Variants in STIL observed in about 807,000 individuals in gnomAD.
The protein encoded by STIL is STIL centriolar assembly protein.
STIL carries 55 observed loss-of-function variants against 110.1 expected under a neutral mutation model. The observed-to-expected ratio is 0.50, with a 90% confidence interval of 0.40 to 0.63. The LOEUF is 0.63. Among genes scored for constraint, STIL ranks in the 20% least tolerant of loss-of-function variants. The pLI, the probability that STIL is intolerant of heterozygous loss-of-function variation, is 0.00. For missense variants in STIL, 1,358 were observed against 1,530.0 expected (o/e 0.89, Z 1.87); for synonymous variants, 481 against 530.0 (o/e 0.91, Z 1.27).
intron 16 of STIL, among the ~76,000 whole-genome samples, chr1:47,252,906 C>T (rs1310306741): frequency 6.6e-6 from 1 of 151,904 alleles, no homozygotes; most frequent in Non-Finnish European, 1.5e-5. Context: ...CTTAATATCA[C>T]ATATATAATA....
intron 2 of STIL, among the ~76,000 whole-genome samples, chr1:47,306,547 C>A (rs1645966876): frequency 5.3e-5 from 8 of 152,150 alleles, no homozygotes. Context: ...AGCCATGGCT[C>A]CTGGCCTAAA....
At chr1:47,269,217 T>C (rs1280610482) in intron 14 of STIL, among the ~76,000 whole-genome samples, 1 of 152,118 alleles carries the variant, frequency 6.6e-6, no homozygotes. Context: ...AGACTGTTAA[T>C]ATAGCCAAAG....
chr1:47,304,047 A>C (rs1012127631), intron 3 of STIL, among the ~76,000 whole-genome samples: 3 of 152,188 alleles, frequency 2.0e-5, no homozygotes, highest in African/African-American at 7.2e-5. Context: ...TAGTCATTTT[A>C]TAAATAAGGA....
intron 7 of STIL, among the ~76,000 whole-genome samples, chr1:47,293,916 CA>C (rs576628709): frequency 1.8e-4 from 27 of 152,144 alleles, no homozygotes; most frequent in Non-Finnish European, 1.0e-4. Context: ...TAAGGTAGTA[CA>C]GACTAATTTG....
intron 12 of STIL, among the ~76,000 whole-genome samples, chr1:47,278,456 A>G (rs1645053097): frequency 6.6e-6 from 1 of 152,148 alleles, no homozygotes; most frequent in African/African-American, 2.4e-5. Context: ...TGATTCAGAT[A>G]GTCTAGACCA....
intron 13 of STIL, among the ~76,000 whole-genome samples, chr1:47,270,971 G>A (rs962154148): frequency 5.9e-5 from 9 of 151,956 alleles, no homozygotes; most frequent in East Asian, 1.9e-4. Flanking sequence ...GAGCCACTGC[G>A]CCCAGCCAAT....
intron 3 of STIL, among the ~76,000 whole-genome samples, chr1:47,302,722 A>AC (rs1411462316): frequency 1.3e-5 from 2 of 152,062 alleles, no homozygotes; most frequent in Non-Finnish European, 2.9e-5. Flanking sequence ...CATGTTCCAG[A>AC]CCCCCAGTGG....
rs1383242289 is a variant in STIL at position 47,270,249 on chromosome 1, TATATATACACACAC to T, written c.2384-397_2384-384del. On this transcript the variant is annotated intron_variant, in intron 13 of 16. Transcript: ENST00000371877. ...GCTCAAAAAAAAAAAAAAATATATATATATATACACACACACACACACACACACACACACACACA... is the reference window on the plus strand; with the variant it reads ...GCTCAAAAAAAAAAAAAAATATATATACACACACACACACACACACACACA... 3.0e-3 allele frequency among the ~76,000 whole-genome samples: 223 copies of T among 75,244 alleles called. 4 individuals are homozygous for T. Among genetic ancestry groups the T allele is most frequent in the African/African-American group, 9.8e-3 (216 of 22,144 alleles). 49.4% of individuals were successfully genotyped at this position (75,244 alleles called of 152,430 possible). A position where few individuals can be genotyped will look rare whatever the true frequency, so the allele number is the denominator to read the frequency against.
intron 16 of STIL, among the ~76,000 whole-genome samples, chr1:47,257,902 TTGAAG>T (rs1644370807): frequency 6.6e-6 from 1 of 152,228 alleles, no homozygotes; most frequent in Non-Finnish European, 1.5e-5. Context: ...TAAGTATTTG[TTGAAG>T]TGAATGTATT....
Position 47,280,996 on chromosome 1 carries a change from T to C in STIL, c.1462A>G (p.Ile488Val). ...TTATCCTGGTTTAACTGATTTGGTA[T>C]TCCTCTCAAGGAAGGCTCTCCAGCT... ...VEAGEPSLRG[I>V]PNQLNQDKPA... Residue 488 changes from isoleucine to valine, a missense_variant, in exon 12 of 17, where the codon ATA becomes GTA. Physicochemically the swap from Ile to Val is conservative, Grantham distance 29. Coordinates refer to ENST00000371877, the MANE Select transcript of STIL (RefSeq NM_001048166.1). 4 of 1,614,132 alleles carry C rather than the reference T, an allele frequency of 2.5e-6. No individual in the cohort carries two copies. Among genetic ancestry groups the C allele is most frequent in the Non-Finnish European group, 2.5e-6 (3 of 1,180,000 alleles).
In STIL at chr1:47,272,235, G is replaced by A. The variant is rs757536400; in HGVS notation, c.2224C>T (p.Arg742Cys). 17 of 1,613,882 alleles carry A rather than the reference G, an allele frequency of 1.1e-5. No homozygotes were observed. The highest frequency in any genetic ancestry group is 3.3e-5 in the Admixed American group (2 of 59,976). Residue 742 changes from arginine to cysteine, a missense_variant, in exon 13 of 17, where the codon CGT becomes TGT. Arg to Cys is a radical substitution (Grantham distance 180, BLOSUM62 -3). Transcript: ENST00000371877. ...QLRLLQAQIQ[R>C]LLEAQSLMPC... Reference sequence around the variant, plus strand: ...ATCAGAGACTGTGCTTCCAACAAACGCTGAATCTGTATCAATTAAAAACAT... The same window carrying A: ...ATCAGAGACTGTGCTTCCAACAAACACTGAATCTGTATCAATTAAAAACAT...
intron 16 of STIL, among the ~76,000 whole-genome samples, chr1:47,255,780 T>C (rs1011387422): frequency 8.5e-5 from 13 of 152,234 alleles, no homozygotes; most frequent in African/African-American, 2.4e-4. Flanking sequence ...CTCCATTTCC[T>C]GCACAATTTC....
intron 5 of STIL, 47 bp from the exon 6 acceptor site, chr1:47,300,199 C>T: frequency 1.3e-6 from 2 of 1,573,124 alleles, no homozygotes; most frequent in Middle Eastern, 1.7e-4. Context: ...TGAAATGTGC[C>T]CATATCGCCA....
chr1:47,313,436 C>G (rs528871795), intron 1 of STIL, among the ~76,000 whole-genome samples: 14 of 152,090 alleles, frequency 9.2e-5, no homozygotes, highest in Non-Finnish European at 1.2e-4. Flanking sequence ...CTTAACCCCC[C>G]CATCCACTCA....
chr1:47,312,561 G>A (rs56335169), intron 1 of STIL, among the ~76,000 whole-genome samples: 57,750 of 151,696 alleles, frequency 0.38, 13,743 homozygotes, highest in Non-Finnish European at 0.51. Context: ...CCCTTCCTTA[G>A]TACTTGGTTG....
intron 8 of STIL, among the ~76,000 whole-genome samples, chr1:47,292,925 G>A (rs1645536642): frequency 6.6e-6 from 1 of 152,112 alleles, no homozygotes; most frequent in South Asian, 2.1e-4. Context: ...GAAGGTGAGA[G>A]ACAAATACTG....
chr1:47,255,239 A>G (rs1012352845), intron 16 of STIL, among the ~76,000 whole-genome samples: 2 of 152,224 alleles, frequency 1.3e-5, no homozygotes, highest in Non-Finnish European at 2.9e-5. Context: ...CCTGAGCACA[A>G]ATATATGCCT....
intron 14 of STIL, among the ~76,000 whole-genome samples, chr1:47,268,589 T>TA (rs1166711109): frequency 2.0e-5 from 3 of 151,038 alleles, no homozygotes; most frequent in Admixed American, 6.6e-5. Context: ...ACCCCATCTC[T>TA]AAAAAAAATA....
chr1:47,258,316 C>G (rs975992351), intron 16 of STIL, among the ~76,000 whole-genome samples: 2 of 152,220 alleles, frequency 1.3e-5, no homozygotes, highest in African/African-American at 4.8e-5. Flanking sequence ...TTTGAATGCA[C>G]ATACTCTTTG....
Sources: gnomAD v4.1 joint callset for allele counts (sites outside exome capture counted in the v4.1 genomes callset) on GRCh38, gnomAD v4.1.1 for gene constraint, MANE v1.5 for transcripts, NCBI Gene and HGNC (gene_info 2026-07-23, HGNC 2026-07-21) for gene names.